CCDC69: variants seen among roughly 807,000 people sequenced by gnomAD.
CCDC69 encodes coiled-coil domain containing 69, also known as coiled-coil domain-containing protein 69.
Under a neutral mutation model 40.3 loss-of-function variants are expected in CCDC69, and 38 were observed. The ratio of observed to expected loss-of-function variants is 0.94; its 90% CI spans 0.73 to 1.24. The LOEUF is 1.24. CCDC69 is among the 50% of genes most tolerant of loss of function. CCDC69 has a pLI of 0.00. For synonymous variants in CCDC69, 141 were observed against 138.9 expected (o/e 1.02, Z -0.11); for missense variants, 389 against 357.9 (o/e 1.09, Z -0.70).
intron 4 of CCDC69, among the ~76,000 whole-genome samples, chr5:151,195,690 G>A (rs1319278554): frequency 8.1e-6 from 1 of 124,110 alleles, no homozygotes; most frequent in African/African-American, 3.2e-5. Context: ...CTGCACTCCA[G>A]CCTGGGGGAC....
chr5:151,192,952 AAAGAT>A (rs1752639132), intron 4 of CCDC69, among the ~76,000 whole-genome samples: 1 of 152,234 alleles, frequency 6.6e-6, no homozygotes, highest in Non-Finnish European at 1.5e-5. Flanking sequence ...AACAACAATA[AAAGAT>A]AATACAAATA....
At chr5:151,194,855 G>A (rs1465871125) in intron 4 of CCDC69, among the ~76,000 whole-genome samples, 1 of 134,700 alleles carries the variant, frequency 7.4e-6, no homozygotes, top group Non-Finnish European at 1.5e-5. Context: ...TCACGCCACT[G>A]CACTCCAGCC....
At chr5:151,208,480 G>C (rs1238500022) in intron 1 of CCDC69, among the ~76,000 whole-genome samples, 1 of 152,248 alleles carries the variant, frequency 6.6e-6, no homozygotes, top group African/African-American at 2.4e-5. Flanking sequence ...AGGACTGAGG[G>C]AGTCATGGGG....
chr5:151,201,680 C>G lies in CCDC69; in HGVS notation c.133G>C (p.Val45Leu). 2 of 1,608,108 alleles carry G rather than the reference C, an allele frequency of 1.2e-6. No individual in the cohort carries two copies. The highest frequency in any genetic ancestry group is 1.7e-6 in the Non-Finnish European group (2 of 1,176,780). Residue 45 changes from valine to leucine, a missense_variant, in exon 3 of 9, where the codon GTC (valine) becomes CTC (leucine). Physicochemically the swap from Val to Leu is conservative, Grantham distance 32. Transcript: ENST00000355417. Reference protein sequence around the residue: ...GPLNGDTAITVQLCASEEAER... With the variant: ...GPLNGDTAITLQLCASEEAER... ...GCCTCCTCTGATGCACAGAGCTGGA[C>G]AGTTATAGCTAGAGATGAAAAAGCA...
chr5:151,212,466 C>T (rs918345233), intron 1 of CCDC69, among the ~76,000 whole-genome samples: 4 of 152,184 alleles, frequency 2.6e-5, no homozygotes, highest in South Asian at 4.1e-4. Flanking sequence ...CAACCTGAAG[C>T]AAACCTGAGA....
intron 1 of CCDC69, among the ~76,000 whole-genome samples, chr5:151,206,994 T>C (rs1752861922): frequency 6.7e-6 from 1 of 148,298 alleles, no homozygotes. Flanking sequence ...TGCGTGATTC[T>C]GGCTCACTGC....
At chr5:151,203,700 A>G (rs1752809509) in intron 2 of CCDC69, among the ~76,000 whole-genome samples, 1 of 127,004 alleles carries the variant, frequency 7.9e-6, no homozygotes, top group East Asian at 2.0e-4. Flanking sequence ...TATATATAGT[A>G]TATATATTAT....
intron 4 of CCDC69, 71 bp from the exon 5 acceptor site, chr5:151,187,530 C>T (rs1752542436): frequency 1.6e-6 from 2 of 1,240,778 alleles, no homozygotes; most frequent in East Asian, 2.3e-5. Context: ...CCCTTGGTGG[C>T]CAGGAAGGTC....
At chr5:151,189,198 G>A (rs936318954) in intron 4 of CCDC69, among the ~76,000 whole-genome samples, 1 of 152,032 alleles carries the variant, frequency 6.6e-6, no homozygotes, top group Non-Finnish European at 1.5e-5. Flanking sequence ...TGTCACTGAC[G>A]GCAAGAAGGA....
intron 4 of CCDC69, among the ~76,000 whole-genome samples, chr5:151,191,697 T>A (rs1206066027): frequency 6.6e-6 from 1 of 152,206 alleles, no homozygotes; most frequent in Non-Finnish European, 1.5e-5. Flanking sequence ...ATATGTAGGA[T>A]GCAGGTAAAG....
rs750677560 is a variant in CCDC69, at chr5:151,185,446, C to T, written c.591G>A (p.Arg197=). The T allele has an allele frequency of 3.1e-6, 5 of 1,614,004 alleles. No homozygotes were observed. The African/African-American group carries it at 5.3e-5, about 17-fold the overall frequency. Residue 197 remains arginine (R), a synonymous_variant, in exon 7 of 9, where the codon AGG becomes AGA. Coordinates refer to ENST00000355417, the MANE Select transcript of CCDC69 (RefSeq NM_015621.3). ...CCACTGTTTCCATGAGGATCAGCCG[C>T]CTGTCCAGCTCATGAATACGCTCAT... ...MKNERIHELD[R]RLILMETVKE... is the part of the protein sequence containing the mutation.
At chr5:151,211,027 T>C (rs1247533146) in intron 1 of CCDC69, 1 of 152,296 alleles carries the variant, frequency 6.6e-6, no homozygotes, top group East Asian at 1.9e-4. Context: ...TATCACTTTT[T>C]AAAAAAATGT....
At chr5:151,188,452 A>T (rs1300768435) in intron 4 of CCDC69, among the ~76,000 whole-genome samples, 1 of 152,124 alleles carries the variant, frequency 6.6e-6, no homozygotes, top group African/African-American at 2.4e-5. Context: ...TAAAAATACA[A>T]AAATTAGCTT....
Position 151,183,592 on chromosome 5 carries a change from G to A in CCDC69, c.736C>T (p.Leu246Phe). The A allele has an allele frequency of 1.2e-6, 2 of 1,611,738 alleles. No homozygotes were observed. The highest frequency in any genetic ancestry group is 8.5e-7 in the Non-Finnish European group (1 of 1,179,024). ...TCCTTCTCCAGGGCCTCACGCGTGA[G>A]AAGCAGGTCTTCTGACAGCTGCCTG... is the stretch of plus-strand genomic sequence containing the variant. ...LSRQLSEDLL[L>F]TREALEKEVQ... Residue 246 changes from leucine (L) to phenylalanine (F), a missense_variant, in exon 9 of 9, where the codon CTC becomes TTC. Coordinates refer to ENST00000355417, the MANE Select transcript of CCDC69 (RefSeq NM_015621.3).
intron 1 of CCDC69, among the ~76,000 whole-genome samples, chr5:151,223,534 T>A (rs1204925914): frequency 6.6e-6 from 1 of 152,206 alleles, no homozygotes; most frequent in Non-Finnish European, 1.5e-5. Context: ...GCCCTGAGAT[T>A]ATCAGCCTTT....
At chr5:151,200,957 G>A (rs1044870555) in intron 3 of CCDC69, among the ~76,000 whole-genome samples, 1 of 151,986 alleles carries the variant, frequency 6.6e-6, no homozygotes, top group African/African-American at 2.4e-5. Context: ...AGCATCTGAT[G>A]TCCCATCTCA....
chr5:151,184,803 C>T (rs980153482), intron 7 of CCDC69: 5 of 185,238 alleles, frequency 2.7e-5, no homozygotes, highest in East Asian at 1.4e-4. Context: ...AAAATCTATA[C>T]GGAATGTTTG....
intron 3 of CCDC69, among the ~76,000 whole-genome samples, chr5:151,200,080 A>G (rs1752755791): frequency 6.6e-6 from 1 of 152,184 alleles, no homozygotes; most frequent in Non-Finnish European, 1.5e-5. Flanking sequence ...AATCTAGCAG[A>G]AAATCTTTCA....
intron 4 of CCDC69, 59 bp from the exon 5 acceptor site, chr5:151,187,518 G>A: frequency 7.0e-7 from 1 of 1,420,798 alleles, no homozygotes; most frequent in South Asian, 1.1e-5. Flanking sequence ...CCTTCTGCAG[G>A]CCCCTTGGTG....
Sources: gnomAD v4.1 joint callset for allele counts (sites outside exome capture counted in the v4.1 genomes callset) on GRCh38, gnomAD v4.1.1 for gene constraint, MANE v1.5 for transcripts, NCBI Gene and HGNC (gene_info 2026-07-23, HGNC 2026-07-21) for gene names.